SIPA1L1: variants seen among roughly 807,000 people sequenced by gnomAD.
SIPA1L1 encodes the protein signal induced proliferation associated 1 like 1, also known as signal-induced proliferation-associated 1-like protein 1.
In SIPA1L1, 26 loss-of-function variants were observed where a neutral mutation model predicts 162.7. The observed-to-expected ratio is 0.16, with a 90% CI of 0.12 to 0.22. SIPA1L1 has a LOEUF of 0.22. SIPA1L1 is among the 10% of genes least tolerant of loss of function. SIPA1L1 has a pLI of 1.00. For synonymous variants in SIPA1L1, 829 were observed against 837.4 expected, an observed-to-expected ratio of 0.99 and a Z score of 0.17; for missense variants, 1,874 against 2,241.0, an observed-to-expected ratio of 0.84 and a Z score of 3.31.
At chr14:71,381,447 T>C (rs2039897490) in intron 2 of SIPA1L1, among the ~76,000 whole-genome samples, 1 of 152,194 alleles carries the variant, frequency 6.6e-6, no homozygotes, top group South Asian at 2.1e-4. Context: ...GAAAGATAAA[T>C]TTATAATGAT....
chr14:71,452,050 AT>A (rs1283595950), intron 2 of SIPA1L1, among the ~76,000 whole-genome samples: 2 of 152,232 alleles, frequency 1.3e-5, no homozygotes. Flanking sequence ...CTTAACGTGC[AT>A]ATAGAAAAGC....
chr14:71,477,550 G>A (rs995644588), intron 2 of SIPA1L1, among the ~76,000 whole-genome samples: 4 of 151,914 alleles, frequency 2.6e-5, no homozygotes, highest in South Asian at 2.1e-4. Context: ...CGTGTTGCCC[G>A]GGCTGGTCTC....
chr14:71,353,346 C>T (rs780312056), intron 2 of SIPA1L1, among the ~76,000 whole-genome samples: 8 of 152,136 alleles, frequency 5.3e-5, no homozygotes, highest in African/African-American at 9.7e-5. Flanking sequence ...AGGTGTCTGA[C>T]CTGGAGGAGA....
chr14:71,508,862 C>G (rs1017803225), intron 2 of SIPA1L1, among the ~76,000 whole-genome samples: 3 of 152,130 alleles, frequency 2.0e-5, no homozygotes, highest in Non-Finnish European at 4.4e-5. Flanking sequence ...AGTGGTAGAA[C>G]TAAAAAGTTG....
At chr14:71,541,204 T>TG (rs1265582275) in intron 4 of SIPA1L1, among the ~76,000 whole-genome samples, 2 of 152,348 alleles carry the variant, frequency 1.3e-5, no homozygotes, top group African/African-American at 4.8e-5. Flanking sequence ...TGCTGCTCCA[T>TG]GTGAGGTTAA....
chr14:71,439,268 C>G (rs2044647773), intron 2 of SIPA1L1, among the ~76,000 whole-genome samples: 1 of 152,148 alleles, frequency 6.6e-6, no homozygotes, highest in Middle Eastern at 3.2e-3. Context: ...GGGGGAAAGT[C>G]AGTATTTAAT....
At chr14:71,373,677 T>G (rs1185617184) in intron 2 of SIPA1L1, among the ~76,000 whole-genome samples, 1 of 151,548 alleles carries the variant, frequency 6.6e-6, no homozygotes, top group African/African-American at 2.4e-5. Context: ...AAAAAAAAGT[T>G]ACCAGTATTT....
At chr14:71,608,688 G>A (rs138587326) in intron 5 of SIPA1L1, among the ~76,000 whole-genome samples, 211 of 152,102 alleles carry the variant, frequency 1.4e-3, no homozygotes, top group Non-Finnish European at 2.5e-3. Context: ...CGAGGTCAGG[G>A]GTTCGAGACC....
At chr14:71,442,172 C>CA (rs368432068) in intron 2 of SIPA1L1, among the ~76,000 whole-genome samples, 2,965 of 25,808 alleles carry the variant, frequency 0.11, 473 homozygotes, top group African/African-American at 0.2. Flanking sequence ...GACTCTGTCT[C>CA]AAAAAAAAAA....
chr14:71,544,113 A>G (rs1567180467), intron 4 of SIPA1L1, among the ~76,000 whole-genome samples: 2 of 144,052 alleles, frequency 1.4e-5, no homozygotes, highest in South Asian at 4.3e-4. Context: ...GTATGTATAT[A>G]CACATATATG....
intron 16 of SIPA1L1, among the ~76,000 whole-genome samples, chr14:71,706,835 A>T (rs2082474366): frequency 6.6e-6 from 1 of 152,058 alleles, no homozygotes; most frequent in African/African-American, 2.4e-5. Context: ...GGAGTTTGAG[A>T]CCAGCCTAGC....
chr14:71,684,605 G>A (rs2046113041), intron 12 of SIPA1L1, among the ~76,000 whole-genome samples: 1 of 151,084 alleles, frequency 6.6e-6, no homozygotes, highest in South Asian at 2.1e-4. Flanking sequence ...GTGAAGCTGC[G>A]CATACACCCT....
intron 2 of SIPA1L1, among the ~76,000 whole-genome samples, chr14:71,336,618 C>A (rs1429336558): frequency 6.6e-6 from 1 of 152,146 alleles, no homozygotes; most frequent in African/African-American, 2.4e-5. Flanking sequence ...TGTGCTGGGA[C>A]CAGAGAAAAT....
chr14:71,409,783 A>T (rs776708146), intron 2 of SIPA1L1, among the ~76,000 whole-genome samples: 25 of 152,212 alleles, frequency 1.6e-4, no homozygotes, highest in Non-Finnish European at 2.4e-4. Context: ...TTCAGGGAAA[A>T]AAGTGTTATC....
At position 71,377,229 on chromosome 14, in the gene SIPA1L1, T is replaced by C. The variant is rs2039470922; in HGVS notation, c.-465+56048T>C. ...CCCACCTCCCAGATGGGGTGGCGGC[T>C]GGGCGGGGGTGCCCCCCCACCTCCC... On this transcript the variant is annotated intron_variant, in intron 2 of 23. Coordinates refer to ENST00000381232, the MANE Select transcript of SIPA1L1 (RefSeq NM_001386936.1). This position sits in a 1 kb window ranked among gnomAD's most constrained non-coding sequence, Gnocchi z 4.8. Among the ~76,000 whole-genome samples, 1 of 146,882 alleles carries C rather than the reference T, an allele frequency of 6.8e-6. No individual in the cohort carries two copies. Among genetic ancestry groups the C allele is most frequent in the African/African-American group, 2.5e-5 (1 of 39,614 alleles).
At chr14:71,440,245 T>G (rs1239720707) in intron 2 of SIPA1L1, among the ~76,000 whole-genome samples, 2 of 152,070 alleles carry the variant, frequency 1.3e-5, no homozygotes, top group East Asian at 3.9e-4. Flanking sequence ...CAGGCTGGTC[T>G]TGAACTCCTG....
chr14:71,638,925 A>G (rs2041430464), intron 7 of SIPA1L1, among the ~76,000 whole-genome samples: 1 of 152,232 alleles, frequency 6.6e-6, no homozygotes. Flanking sequence ...GGAGCCAAAC[A>G]TGATAGCCTG....
chr14:71,500,057 T>G (rs986809337), intron 2 of SIPA1L1, among the ~76,000 whole-genome samples: 1 of 152,210 alleles, frequency 6.6e-6, no homozygotes, highest in African/African-American at 2.4e-5. Context: ...GTTGAATTAG[T>G]CTAAACATTC....
In SIPA1L1 at chr14:71,589,028, A is replaced by T. The variant is rs147454458; in HGVS notation, c.1156A>T (p.Met386Leu). ...TCATTCAGCCAGTTTTAGCTCCCCA[A>T]TGGGCAGCACAGAGGACCTGAATTC... The part of the protein sequence containing the change: ...LSHSASFSSP[M>L]GSTEDLNSKG... Residue 386 changes from methionine (M) to leucine (L), a missense_variant, in exon 5 of 24, where the codon ATG (methionine) becomes TTG (leucine). Around this residue, in one of 5 missense-constraint regions of SIPA1L1, gnomAD observed 685 missense variants for 828.0 expected, o/e 0.83. Coordinates refer to ENST00000381232, the MANE Select transcript of SIPA1L1 (RefSeq NM_001386936.1). 273 of 1,613,952 alleles carry T rather than the reference A, an allele frequency of 1.7e-4. 1 individual carries two copies. Among genetic ancestry groups the T allele is most frequent in the Middle Eastern group, 1.6e-4 (1 of 6,082 alleles).
Sources: gnomAD v4.1 joint callset for allele counts (sites outside exome capture counted in the v4.1 genomes callset) on GRCh38, gnomAD v4.1.1 for gene constraint, gnomAD v4.1.1 regional missense constraint, Gnocchi (gnomAD v3.1) non-coding constraint, MANE v1.5 for transcripts, NCBI Gene and HGNC (gene_info 2026-07-23, HGNC 2026-07-21) for gene names.